The following ZNF438 variants were observed in gnomAD, a reference collection of about 807,000 sequenced individuals.
ZNF438 encodes zinc finger protein 438.
Under a neutral mutation model 38.0 loss-of-function variants are expected in ZNF438, and 25 were observed. The ratio of observed to expected loss-of-function variants is 0.66; its 90% confidence interval spans 0.48 to 0.92. ZNF438 has a LOEUF of 0.92. ZNF438 is among the 40% of genes least tolerant of loss of function. ZNF438 has a pLI of 0.00. For synonymous variants in ZNF438, 372 were observed against 364.1 expected, an observed-to-expected ratio of 1.02 and a Z score of -0.25; for missense variants, 1,007 against 999.6, an observed-to-expected ratio of 1.01 and a Z score of -0.10.
chr10:30,903,926 A>G (rs1267743890), intron 3 of ZNF438, among the ~76,000 whole-genome samples: 1 of 152,128 alleles, frequency 6.6e-6, no homozygotes, highest in East Asian at 1.9e-4. Context: ...AGAATCAATA[A>G]AGATGGAAAG....
chr10:30,969,244 C>CA (rs111768609), intron 1 of ZNF438, among the ~76,000 whole-genome samples: 29 of 152,098 alleles, frequency 1.9e-4, no homozygotes, highest in African/African-American at 6.5e-4. Context: ...GAAGAGGGAA[C>CA]AAAAAAATCA....
intron 2 of ZNF438, among the ~76,000 whole-genome samples, chr10:30,936,858 A>C (rs747218400): frequency 6.6e-6 from 1 of 152,162 alleles, no homozygotes; most frequent in Non-Finnish European, 1.5e-5. Flanking sequence ...GGTCACGTCA[A>C]ACCTTTATGC....
chr10:30,978,734 G>A (rs1269863441), intron 1 of ZNF438, among the ~76,000 whole-genome samples: 1 of 152,114 alleles, frequency 6.6e-6, no homozygotes, highest in African/African-American at 2.4e-5. Flanking sequence ...AATCAGTTGT[G>A]GTGTTCTGTA....
intron 1 of ZNF438, among the ~76,000 whole-genome samples, chr10:30,955,690 C>A (rs2048788401): frequency 6.6e-6 from 1 of 152,184 alleles, no homozygotes; most frequent in South Asian, 2.1e-4. Context: ...AATCACCAAG[C>A]TGGGACCTGC....
At chr10:30,970,210 T>C (rs901249729) in intron 1 of ZNF438, among the ~76,000 whole-genome samples, 2 of 152,024 alleles carry the variant, frequency 1.3e-5, no homozygotes, top group Non-Finnish European at 1.5e-5. Context: ...TGATAGGTCC[T>C]CTTTTACTAT....
At chr10:30,946,542 A>G (rs1052258667) in intron 1 of ZNF438, among the ~76,000 whole-genome samples, 3 of 152,232 alleles carry the variant, frequency 2.0e-5, no homozygotes, top group Admixed American at 6.5e-5. Flanking sequence ...AAGGACATGA[A>G]CAGACACTTC....
At chr10:30,967,659 T>A (rs2050272951) in intron 1 of ZNF438, among the ~76,000 whole-genome samples, 1 of 152,212 alleles carries the variant, frequency 6.6e-6, no homozygotes, top group African/African-American at 2.4e-5. Context: ...GGTGTTGTTT[T>A]AAATTAAAGG....
Position 30,849,839 on chromosome 10 carries a change from AT to A in ZNF438, c.565del (p.Ile189LeufsTer6), listed in dbSNP as rs765247972. On this transcript the variant is annotated frameshift_variant, in exon 5 of 6. Coordinates refer to ENST00000413025, the Ensembl canonical transcript of ZNF438. LOFTEE classifies it high-confidence loss of function. ...TCCATTGGTCAGCGCAGCTGTGCTA[AT>A]GCTGGCTGGGGCTTGCTCTAGTGAT... is the stretch of plus-strand genomic sequence containing the variant. The A allele has an allele frequency of 4.6e-4, 748 of 1,614,142 alleles. No homozygotes were observed. The highest frequency in any genetic ancestry group is 1.2e-3 in the Middle Eastern group (7 of 6,062).
chr10:30,925,997 A>G (rs2044867417), intron 2 of ZNF438, among the ~76,000 whole-genome samples: 2 of 152,252 alleles, frequency 1.3e-5, no homozygotes, highest in African/African-American at 4.8e-5. Context: ...GCCAAACAGC[A>G]GGAGATGAAG....
At chr10:30,858,320 G>A (rs2035026319) in intron 4 of ZNF438, among the ~76,000 whole-genome samples, 1 of 152,302 alleles carries the variant, frequency 6.6e-6, no homozygotes, top group South Asian at 2.1e-4. Context: ...TCCACTTGGG[G>A]TTCAAACTGT....
At chr10:30,933,137 T>C (rs1447198504) in intron 2 of ZNF438, among the ~76,000 whole-genome samples, 4 of 152,244 alleles carry the variant, frequency 2.6e-5, no homozygotes, top group Non-Finnish European at 5.9e-5. Context: ...TTGAAATATG[T>C]CATCCAATCA....
At chr10:30,936,662 G>A (rs1464799439) in intron 2 of ZNF438, among the ~76,000 whole-genome samples, 1 of 150,514 alleles carries the variant, frequency 6.6e-6, no homozygotes, top group African/African-American at 2.4e-5. Flanking sequence ...GGAGGAGCAA[G>A]ACATCGTCTC....
chr10:31,026,319 G>A (rs1249850127), intron 1 of ZNF438, among the ~76,000 whole-genome samples: 1 of 152,116 alleles, frequency 6.6e-6, no homozygotes, highest in African/African-American at 2.4e-5. Flanking sequence ...CAGAATGGGA[G>A]AAAATTTTTG....
At chr10:30,988,585 T>G (rs2053119059) in intron 1 of ZNF438, among the ~76,000 whole-genome samples, 1 of 152,124 alleles carries the variant, frequency 6.6e-6, no homozygotes, top group South Asian at 2.1e-4. Flanking sequence ...CTAAATAATG[T>G]AAGCTTTTAC....
At chr10:30,917,388 G>C (rs1357019825) in intron 2 of ZNF438, among the ~76,000 whole-genome samples, 1 of 152,074 alleles carries the variant, frequency 6.6e-6, no homozygotes, top group African/African-American at 2.4e-5. Context: ...GAGAACTGCT[G>C]AATCATTGGG....
rs189175027 is a variant in ZNF438, at chr10:30,866,694, C to T, written c.37+10304G>A. Reference sequence around the variant, plus strand: ...CTAAAAATACAAAAAATTAGCCGAGCGTGGTGACAGGCACCTGTAGTCCCA... The same window carrying T: ...CTAAAAATACAAAAAATTAGCCGAGTGTGGTGACAGGCACCTGTAGTCCCA... On this transcript the variant is annotated intron_variant, in intron 4 of 5. Coordinates refer to ENST00000413025, the Ensembl canonical transcript of ZNF438. 5.2e-3 allele frequency among the ~76,000 whole-genome samples: 794 copies of T among 152,066 alleles called. 9 individuals are homozygous for T. The highest frequency in any genetic ancestry group is 0.018 in the African/African-American group (750 of 41,486).
At chr10:30,998,742 T>C (rs569035717) in intron 1 of ZNF438, among the ~76,000 whole-genome samples, 1 of 152,256 alleles carries the variant, frequency 6.6e-6, no homozygotes, top group East Asian at 1.9e-4. Flanking sequence ...CACCGATCTC[T>C]TTTACTTTCT....
chr10:30,961,163 G>T (rs2049420851), intron 1 of ZNF438, among the ~76,000 whole-genome samples: 1 of 136,312 alleles, frequency 7.3e-6, no homozygotes, highest in South Asian at 2.4e-4. Flanking sequence ...AAAAAAAAAA[G>T]TTTTTTTTAC....
chr10:30,971,122 T>C (rs976617255), intron 1 of ZNF438, among the ~76,000 whole-genome samples: 6 of 152,210 alleles, frequency 3.9e-5, no homozygotes, highest in Non-Finnish European at 8.8e-5. Flanking sequence ...CTACTGGCAT[T>C]AGTAATTTAC....
Sources: gnomAD v4.1 joint callset for allele counts (sites outside exome capture counted in the v4.1 genomes callset) on GRCh38, gnomAD v4.1.1 for gene constraint, MANE v1.5 for transcripts, NCBI Gene and HGNC (gene_info 2026-07-23, HGNC 2026-07-21) for gene names.